The following CGNL1 variants were observed in gnomAD, a reference collection of about 807,000 sequenced individuals.
The protein encoded by CGNL1 is cingulin like 1.
CGNL1 carries 132 observed loss-of-function variants against 141.2 expected under a neutral mutation model. The observed-to-expected ratio is 0.93, with a 90% CI of 0.81 to 1.08. CGNL1 has a LOEUF of 1.08. Among genes scored for constraint, CGNL1 ranks in the 50% least tolerant of loss-of-function variants. The pLI is 0.00. For synonymous variants in CGNL1, 690 were observed against 622.1 expected (o/e 1.11, Z -1.63); for missense variants, 1,870 against 1,588.6 (o/e 1.18, Z -3.01).
chr15:57,466,851 A>T (rs1439286627), intron 8 of CGNL1, among the ~76,000 whole-genome samples: 1 of 152,206 alleles, frequency 6.6e-6, no homozygotes, highest in Non-Finnish European at 1.5e-5. Flanking sequence ...GTAATTTTGC[A>T]TCTAAGAGTT....
chr15:57,485,485 G>A (rs1392979997), intron 8 of CGNL1, among the ~76,000 whole-genome samples: 5 of 152,098 alleles, frequency 3.3e-5, no homozygotes, highest in Non-Finnish European at 5.9e-5. Flanking sequence ...TTTATTCACA[G>A]CCTGAGTTAT....
In CGNL1 at chr15:57,546,228, G is replaced by T; in HGVS notation, c.3762G>T (p.Lys1254Asn). ...TGCAGGGGCAGCTCAACTCCATGAA[G>T]AAGGACTTAAGGTGGGCAGGTGTGG... ...EHLQGQLNSM[K>N]KDLRLKKLPS... Residue 1254 changes from lysine (K) to asparagine (N), a missense_variant, in exon 18 of 19, where the codon AAG becomes AAT. Transcript: ENST00000281282. 6.3e-7 allele frequency: 1 copy of T among 1,584,174 alleles called. No individual in the cohort carries two copies. The highest frequency in any genetic ancestry group is 8.6e-7 in the Non-Finnish European group (1 of 1,165,050).
chr15:57,519,726 C>T (rs1453107144), intron 10 of CGNL1, among the ~76,000 whole-genome samples: 1 of 152,098 alleles, frequency 6.6e-6, no homozygotes, highest in Non-Finnish European at 1.5e-5. Flanking sequence ...AACCTGGCTG[C>T]CAGAGTGTGG....
At chr15:57,440,658 G>A (rs889552107) in intron 3 of CGNL1, among the ~76,000 whole-genome samples, 187 bp downstream of exon 3, 3 of 152,100 alleles carry the variant, frequency 2.0e-5, no homozygotes, top group Non-Finnish European at 2.9e-5. Flanking sequence ...GGGGCTTTGG[G>A]AGGGGTGTGT....
chr15:57,515,760 T>C (rs1399925049), intron 8 of CGNL1, among the ~76,000 whole-genome samples: 3 of 152,192 alleles, frequency 2.0e-5, no homozygotes, highest in Non-Finnish European at 4.4e-5. Flanking sequence ...TACCTAGAGC[T>C]TACACTGTGA....
chr15:57,433,960 C>G (rs908278343), intron 1 of CGNL1, among the ~76,000 whole-genome samples: 2 of 131,780 alleles, frequency 1.5e-5, no homozygotes, highest in Non-Finnish European at 3.3e-5. Context: ...CACTCACCAA[C>G]TAATAGTCTT....
At chr15:57,392,471 C>G (rs1354340727) in intron 1 of CGNL1, among the ~76,000 whole-genome samples, 1 of 152,150 alleles carries the variant, frequency 6.6e-6, no homozygotes, top group Non-Finnish European at 1.5e-5. Flanking sequence ...AGGTCAAGAC[C>G]TAACACAACT....
At chr15:57,396,542 G>A (rs1324969145) in intron 1 of CGNL1, among the ~76,000 whole-genome samples, 1 of 152,144 alleles carries the variant, frequency 6.6e-6, no homozygotes, top group East Asian at 1.9e-4. Flanking sequence ...CAAAGTGCTG[G>A]GATTATAGGT....
intron 1 of CGNL1, among the ~76,000 whole-genome samples, chr15:57,393,779 A>G (rs1219426458): frequency 6.6e-6 from 1 of 152,134 alleles, no homozygotes; most frequent in African/African-American, 2.4e-5. Context: ...TTCTCAGTCT[A>G]TATTATATCT....
At chr15:57,492,932 G>A (rs1423939022) in intron 8 of CGNL1, among the ~76,000 whole-genome samples, 1 of 152,124 alleles carries the variant, frequency 6.6e-6, no homozygotes, top group East Asian at 1.9e-4. Flanking sequence ...ACGTCATCAG[G>A]TATGGGCATT....
chr15:57,427,010 G>C (rs1226015289), intron 1 of CGNL1, among the ~76,000 whole-genome samples: 1 of 152,166 alleles, frequency 6.6e-6, no homozygotes, highest in African/African-American at 2.4e-5. Flanking sequence ...TAAATGAATG[G>C]CCGTTCTGCA....
intron 1 of CGNL1, chr15:57,402,565 CTG>C (rs1181588483): frequency 6.6e-6 from 1 of 152,316 alleles, no homozygotes; most frequent in Non-Finnish European, 1.5e-5. Context: ...CTCCACACTT[CTG>C]TCTTATTGGT....
intron 8 of CGNL1, among the ~76,000 whole-genome samples, chr15:57,479,634 AG>A (rs1253695045): frequency 6.6e-6 from 1 of 152,248 alleles, no homozygotes. Context: ...ACTGCACTTC[AG>A]CCTGGGTGAT....
At chr15:57,503,818 G>A (rs56810932) in intron 8 of CGNL1, among the ~76,000 whole-genome samples, 4,121 of 152,206 alleles carry the variant, frequency 0.027, 176 homozygotes, top group African/African-American at 0.095. Context: ...CGTGAGACTT[G>A]TTCACTATCA....
intron 1 of CGNL1, among the ~76,000 whole-genome samples, chr15:57,378,400 A>G (rs2062390452): frequency 3.5e-5 from 2 of 57,318 alleles, no homozygotes; most frequent in Admixed American, 2.3e-4. Flanking sequence ...TTTTTTTTTG[A>G]GACAGAGTTT....
chr15:57,383,801 ATG>A (rs3051174), intron 1 of CGNL1, among the ~76,000 whole-genome samples: 2 of 149,396 alleles, frequency 1.3e-5, no homozygotes, highest in Non-Finnish European at 1.5e-5. Flanking sequence ...GCTAATTTTT[ATG>A]TGTGTGTGTG....
chr15:57,424,977 A>G (rs1307851218), intron 1 of CGNL1, among the ~76,000 whole-genome samples: 1 of 152,214 alleles, frequency 6.6e-6, no homozygotes. Flanking sequence ...TTTGGTATTG[A>G]TGGTAATATA....
chr15:57,436,262 G>T (rs2063104622), intron 1 of CGNL1, among the ~76,000 whole-genome samples: 2 of 152,260 alleles, frequency 1.3e-5, no homozygotes, highest in Admixed American at 6.5e-5. Flanking sequence ...GCGGCTGGGG[G>T]TGGCCATATG....
chr15:57,483,468 C>CTTTTTTTTTTTTT (rs60667956), intron 8 of CGNL1, among the ~76,000 whole-genome samples: 1 of 127,806 alleles, frequency 7.8e-6, no homozygotes, highest in Non-Finnish European at 1.6e-5. Flanking sequence ...ACAAAGTTTT[C>CTTTTTTTTTTTTT]TTTTTTTTTT....
Sources: allele counts gnomAD v4.1 joint callset (sites outside exome capture counted in the v4.1 genomes callset), GRCh38; gene constraint gnomAD v4.1.1; transcripts MANE v1.5; gene names NCBI Gene and HGNC (gene_info 2026-07-23, HGNC 2026-07-21).